PLEKHM3: variants seen among roughly 807,000 people sequenced by gnomAD.
PLEKHM3 encodes pleckstrin homology domain-containing family M member 3.
In PLEKHM3, 45 loss-of-function variants were observed where a neutral mutation model predicts 81.8. The observed-to-expected ratio is 0.55, with a 90% CI of 0.43 to 0.71. The LOEUF is 0.71. Ranked by LOEUF, PLEKHM3 falls within the 30% of genes least tolerant of loss-of-function variation. The pLI is 0.00. For missense variants in PLEKHM3, 788 were observed against 924.3 expected (o/e 0.85, Z 1.91); for synonymous variants, 352 against 356.4 (o/e 0.99, Z 0.14).
At chr2:207,855,788 C>A (rs941928215) in intron 7 of PLEKHM3, among the ~76,000 whole-genome samples, 3 of 152,144 alleles carry the variant, frequency 2.0e-5, no homozygotes, top group African/African-American at 7.2e-5. Context: ...TCAAAACTGT[C>A]AAGGTCATCA....
At chr2:207,891,364 A>G (rs191067104) in intron 6 of PLEKHM3, among the ~76,000 whole-genome samples, 31 of 152,258 alleles carry the variant, frequency 2.0e-4, no homozygotes, top group Admixed American at 2.0e-3. Flanking sequence ...AACTCACTTA[A>G]CCTCACAACC....
chr2:208,013,000 G>A (rs1692752102), intron 1 of PLEKHM3, among the ~76,000 whole-genome samples: 1 of 152,140 alleles, frequency 6.6e-6, no homozygotes, highest in African/African-American at 2.4e-5. Flanking sequence ...CTAGTGGAAA[G>A]TAAGACACAA....
intron 3 of PLEKHM3, among the ~76,000 whole-genome samples, chr2:207,948,458 C>T (rs1690214740): frequency 6.8e-6 from 1 of 147,682 alleles, no homozygotes; most frequent in African/African-American, 2.5e-5. Flanking sequence ...CGGGTTCAAG[C>T]GATTCTCCTG....
At chr2:207,950,580 T>C (rs1372069660) in intron 3 of PLEKHM3, among the ~76,000 whole-genome samples, 1 of 152,090 alleles carries the variant, frequency 6.6e-6, no homozygotes, top group Non-Finnish European at 1.5e-5. Flanking sequence ...CCCCCTCCCA[T>C]CCTATCCCCA....
chr2:208,021,924 C>A (rs1192180394), intron 1 of PLEKHM3, among the ~76,000 whole-genome samples: 3 of 152,176 alleles, frequency 2.0e-5, no homozygotes, highest in African/African-American at 7.2e-5. Context: ...ATTGATGACA[C>A]CATAATTTGT....
intron 3 of PLEKHM3, among the ~76,000 whole-genome samples, chr2:207,972,003 A>T (rs1359510050): frequency 6.6e-6 from 1 of 152,200 alleles, no homozygotes; most frequent in African/African-American, 2.4e-5. Context: ...AACCCAATGC[A>T]TGGGCGTCAC....
intron 7 of PLEKHM3, among the ~76,000 whole-genome samples, chr2:207,850,796 A>G (rs554555297): frequency 3.3e-5 from 5 of 152,228 alleles, no homozygotes; most frequent in Non-Finnish European, 5.9e-5. Flanking sequence ...TTTTATATTC[A>G]TTGTTTTCCC....
chr2:207,862,663 A>G (rs1173326364), intron 6 of PLEKHM3, among the ~76,000 whole-genome samples: 3 of 152,134 alleles, frequency 2.0e-5, no homozygotes, highest in Non-Finnish European at 4.4e-5. Context: ...AAAAGAAAAA[A>G]ATAGTATCTG....
chr2:207,880,762 C>CAAAAA lies in PLEKHM3; in HGVS notation c.1951-19505_1951-19501dup, dbSNP rs61384566. On this transcript the variant is annotated intron_variant, in intron 6 of 7. Coordinates refer to ENST00000427836, the MANE Select transcript of PLEKHM3 (RefSeq NM_001080475.3). Reference sequence around the variant, plus strand: ...TGGGAGACACAGCGAGACTCTGTCTCAAAAAAAAAAAAAAAAAAAAAAAAA... The same window carrying CAAAAA: ...TGGGAGACACAGCGAGACTCTGTCTCAAAAAAAAAAAAAAAAAAAAAAAAAAAAAA... Among the ~76,000 whole-genome samples, 4 of 6,966 alleles carry CAAAAA rather than the reference C, an allele frequency of 5.7e-4. 1 individual carries two copies. The highest frequency in any genetic ancestry group is 1.1e-3 in the Non-Finnish European group (3 of 2,688). The allele number at this position is 6,966 out of a possible 152,430, so 4.6% of individuals were successfully genotyped here.
chr2:207,923,905 A>ATATATATTTTTTTTTT (rs1396762429), intron 5 of PLEKHM3, among the ~76,000 whole-genome samples: 2 of 28,340 alleles, frequency 7.1e-5, no homozygotes, highest in Non-Finnish European at 1.3e-4. Context: ...ATATATATAT[A>ATATATATTTTTTTTTT]TTTTTTTTTT....
rs1393660140 is a variant in PLEKHM3, at chr2:207,923,890, T to C, written c.1886+7036A>G. 5.2e-4 allele frequency among the ~76,000 whole-genome samples: 39 copies of C among 75,146 alleles called. 1 individual carries two copies. The highest frequency in any genetic ancestry group is 7.4e-4 in the African/African-American group (13 of 17,516). The allele number at this position is 75,146 out of a possible 152,430, so 49.3% of individuals were successfully genotyped here. A position where few individuals can be genotyped will look rare whatever the true frequency, so the allele number is the denominator to read the frequency against. Reference sequence around the variant, plus strand: ...ACACACACACACACACATATATATATATATATATATATATATTTTTTTTTT... The same window carrying C: ...ACACACACACACACACATATATATACATATATATATATATATTTTTTTTTT... On this transcript the variant is annotated intron_variant, in intron 5 of 7. Transcript: ENST00000427836.
At chr2:207,853,247 G>A (rs1054737408) in intron 7 of PLEKHM3, among the ~76,000 whole-genome samples, 2 of 151,930 alleles carry the variant, frequency 1.3e-5, no homozygotes, top group African/African-American at 2.4e-5. Flanking sequence ...GTGAAACCCC[G>A]TCTCTACTAA....
intron 6 of PLEKHM3, among the ~76,000 whole-genome samples, chr2:207,883,578 T>C (rs1687777125): frequency 6.6e-6 from 1 of 152,170 alleles, no homozygotes; most frequent in South Asian, 2.1e-4. Context: ...AGCATTTTGG[T>C]GGTGAGCATG....
rs1247571636 is a variant in PLEKHM3 at position 207,822,179 on chromosome 2, A to G, written c.*6140T>C. 1.3e-5 allele frequency: 2 copies of G among 152,276 alleles called. No homozygotes were observed. The highest frequency in any genetic ancestry group is 2.9e-5 in the Non-Finnish European group (2 of 68,038). The allele number at this position is 152,276 out of a possible 1,614,324, so 9.4% of individuals were successfully genotyped here. On this transcript the variant is annotated 3_prime_UTR_variant, in exon 8 of 8. Transcript: ENST00000427836. ...CCTCCAGCAGCCAAAGCCTAATTTG[A>G]TGGCTCAGTGGACACACAAAGCTAA...
chr2:207,959,886 T>C (rs1332028874), intron 3 of PLEKHM3, among the ~76,000 whole-genome samples: 1 of 152,232 alleles, frequency 6.6e-6, no homozygotes, highest in African/African-American at 2.4e-5. Context: ...AAATTATTTA[T>C]GTTGTACAAG....
intron 1 of PLEKHM3, among the ~76,000 whole-genome samples, chr2:208,023,771 G>A (rs1693209288): frequency 6.6e-6 from 1 of 152,104 alleles, no homozygotes; most frequent in Non-Finnish European, 1.5e-5. Flanking sequence ...ACCACCAGGG[G>A]ACCGCAGCAT....
chr2:208,022,968 T>C (rs911846922), intron 1 of PLEKHM3, among the ~76,000 whole-genome samples: 4 of 152,148 alleles, frequency 2.6e-5, no homozygotes, highest in Non-Finnish European at 4.4e-5. Context: ...ACAAATCTAC[T>C]AAAAAAATGA....
At chr2:207,942,629 G>A (rs1024217652) in intron 4 of PLEKHM3, among the ~76,000 whole-genome samples, 10 of 152,062 alleles carry the variant, frequency 6.6e-5, no homozygotes, top group African/African-American at 9.7e-5. Flanking sequence ...AGCTCGGCCC[G>A]GTGGCTCACT....
At chr2:207,992,808 A>G (rs1228107316) in intron 2 of PLEKHM3, among the ~76,000 whole-genome samples, 1 of 152,198 alleles carries the variant, frequency 6.6e-6, no homozygotes, top group Non-Finnish European at 1.5e-5. Flanking sequence ...CCCTTGAAAA[A>G]TAATGGAGGA....
Sources: allele counts gnomAD v4.1 joint callset (sites outside exome capture counted in the v4.1 genomes callset), GRCh38; gene constraint gnomAD v4.1.1; transcripts MANE v1.5; gene names NCBI Gene and HGNC (gene_info 2026-07-23, HGNC 2026-07-21).